The following EDAR variants were observed in gnomAD, a reference collection of about 807,000 sequenced individuals.
The protein encoded by EDAR is ectodysplasin A receptor.
EDAR carries 38 observed loss-of-function variants against 51.3 expected under a neutral mutation model. That is an observed-to-expected ratio of 0.74 (90% CI 0.57 to 0.97). The LOEUF (loss-of-function observed/expected upper bound fraction) is 0.97, where lower values mean the gene tolerates loss of function less well. EDAR is among the 50% of genes least tolerant of loss of function. EDAR has a pLI of 0.00. For synonymous variants in EDAR, 227 were observed against 242.1 expected (o/e 0.94, Z 0.58); for missense variants, 528 against 595.0 (o/e 0.89, Z 1.17).
intron 1 of EDAR, among the ~76,000 whole-genome samples, chr2:108,947,270 G>C (rs541030005): frequency 6.6e-6 from 1 of 152,316 alleles, no homozygotes; most frequent in African/African-American, 2.4e-5. Flanking sequence ...TGCCTCTGTG[G>C]CTCTGCAGGG....
At chr2:108,899,174 GA>G (rs202126103) in intron 11 of EDAR, among the ~76,000 whole-genome samples, 3 of 146,206 alleles carry the variant, frequency 2.1e-5, no homozygotes, top group African/African-American at 8.3e-5. Flanking sequence ...AACAGCCAAA[GA>G]AAAACAACGC....
Position 108,910,764 on chromosome 2 carries a change from T to G in EDAR, c.730+12A>C, listed in dbSNP as rs759899621. The G allele has an allele frequency of 1.2e-6, 2 of 1,612,532 alleles. No homozygotes were observed. Among genetic ancestry groups the G allele is most frequent in the Admixed American group, 1.7e-5 (1 of 60,000 alleles). On this transcript the variant is annotated intron_variant, in intron 8 of 11. Coordinates refer to ENST00000258443, the MANE Select transcript of EDAR (RefSeq NM_022336.4). ...CCGTGCACATGGTGTGTGGAAGCCC[T>G]GGTTCACAGACCTGGGGCCTCTTTC...
chr2:108,912,523 CG>C (rs886700946), intron 6 of EDAR, among the ~76,000 whole-genome samples, 154 bp downstream of exon 6: 1 of 152,160 alleles, frequency 6.6e-6, no homozygotes, highest in African/African-American at 2.4e-5. Flanking sequence ...ACTTCCTGCA[CG>C]GGGGGCAACA....
intron 1 of EDAR, among the ~76,000 whole-genome samples, chr2:108,933,793 C>A (rs1030234033): frequency 2.6e-5 from 4 of 151,862 alleles, no homozygotes; most frequent in Non-Finnish European, 5.9e-5. Flanking sequence ...GAGGCAAGGG[C>A]GACCTGCAGC....
intron 1 of EDAR, among the ~76,000 whole-genome samples, chr2:108,970,881 A>G (rs1376592901): frequency 6.6e-6 from 1 of 152,204 alleles, no homozygotes; most frequent in Non-Finnish European, 1.5e-5. Context: ...ACAGGACTGA[A>G]CAAATACAAG....
intron 11 of EDAR, among the ~76,000 whole-genome samples, chr2:108,897,902 AGACCAACTAGG>A (rs1043155450): frequency 2.0e-5 from 3 of 152,224 alleles, no homozygotes; most frequent in Non-Finnish European, 4.4e-5. Flanking sequence ...AAAAGAAGAC[AGACCAACTAGG>A]GACCTCGATA....
intron 1 of EDAR, among the ~76,000 whole-genome samples, chr2:108,947,479 T>G (rs1697735312): frequency 1.3e-5 from 2 of 152,218 alleles, no homozygotes; most frequent in Admixed American, 1.3e-4. Context: ...AGGTTCTCCA[T>G]GAGGGCTTCA....
intron 1 of EDAR, among the ~76,000 whole-genome samples, chr2:108,969,209 C>T (rs1356126063): frequency 2.6e-5 from 4 of 152,088 alleles, no homozygotes; most frequent in African/African-American, 7.2e-5. Flanking sequence ...GCTTTGACAA[C>T]CTTCTTTTTT....
At position 108,897,236 on chromosome 2, in the gene EDAR, ACACCAATGGC is replaced by A. The variant is rs1696616745; in HGVS notation, c.1025-17_1025-8del. 1 of 1,612,948 alleles carries A rather than the reference ACACCAATGGC, an allele frequency of 6.2e-7. No homozygotes were observed. Among genetic ancestry groups the A allele is most frequent in the Admixed American group, 1.7e-5 (1 of 60,002 alleles). The stretch of plus-strand genomic sequence containing the variant: ...AGCTCCGTGGGGCTAAGACCTACAG[ACACCAATGGC>A]CACAGTTAGATGTTGCAAGTCACAG... On this transcript the variant is annotated splice_region_variant and splice_polypyrimidine_tract_variant and intron_variant, in intron 11 of 11. Coordinates refer to ENST00000258443, the MANE Select transcript of EDAR (RefSeq NM_022336.4).
At chr2:108,973,462 T>A (rs1461471789) in intron 1 of EDAR, among the ~76,000 whole-genome samples, 1 of 152,138 alleles carries the variant, frequency 6.6e-6, no homozygotes, top group Non-Finnish European at 1.5e-5. Context: ...CCTTCATTTC[T>A]CCTGCTTTCC....
chr2:108,940,555 C>A (rs372132144), intron 1 of EDAR, among the ~76,000 whole-genome samples: 1 of 152,234 alleles, frequency 6.6e-6, no homozygotes, highest in Admixed American at 6.5e-5. Context: ...CCAGATCGGG[C>A]GGAGGTGAGA....
intron 1 of EDAR, among the ~76,000 whole-genome samples, chr2:108,949,368 T>C (rs1244493448): frequency 6.6e-6 from 1 of 152,188 alleles, no homozygotes; most frequent in Admixed American, 6.5e-5. Context: ...ACATGCACAA[T>C]ATCTGATAAT....
intron 1 of EDAR, among the ~76,000 whole-genome samples, chr2:108,933,221 C>T (rs974587251): frequency 1.3e-5 from 2 of 152,168 alleles, no homozygotes; most frequent in African/African-American, 4.8e-5. Flanking sequence ...GCTGAACTTC[C>T]AGCAAAGATT....
intron 5 of EDAR, among the ~76,000 whole-genome samples, chr2:108,922,460 A>G (rs1697161627): frequency 6.6e-6 from 1 of 152,216 alleles, no homozygotes; most frequent in African/African-American, 2.4e-5. Flanking sequence ...CCTGCAGCAC[A>G]GCCCACAGCA....
chr2:108,910,251 C>T (rs1346347389), intron 9 of EDAR, among the ~76,000 whole-genome samples: 1 of 152,332 alleles, frequency 6.6e-6, no homozygotes, highest in South Asian at 2.1e-4. Flanking sequence ...GGGCCTGACC[C>T]GAGAGCAGCA....
At chr2:108,982,313 GGT>G in intron 1 of EDAR, among the ~76,000 whole-genome samples, 1 of 152,340 alleles carries the variant, frequency 6.6e-6, no homozygotes, top group Non-Finnish European at 1.5e-5. Context: ...AACCCAGGGA[GGT>G]GGGTGGAAGC....
At chr2:108,918,590 C>T (rs745437424) in intron 5 of EDAR, among the ~76,000 whole-genome samples, 5 of 152,244 alleles carry the variant, frequency 3.3e-5, no homozygotes, top group East Asian at 1.9e-4. Flanking sequence ...TGAAAATGAG[C>T]GGGGACTGGT....
At position 108,899,988 on chromosome 2, in the gene EDAR, AAATAAT is replaced by A. The variant is rs535092335; in HGVS notation, c.1025-2765_1025-2760del. Reference sequence around the variant, plus strand: ...GTGGCAGAGTAAAACTCCATGTCAAAAATAATAATAATAATAACACCAGTAGACTGA... The same window carrying A: ...GTGGCAGAGTAAAACTCCATGTCAAAAATAATAATAACACCAGTAGACTGA... On this transcript the variant is annotated intron_variant, in intron 11 of 11. Transcript: ENST00000258443. Among the ~76,000 whole-genome samples, 454 of 152,190 alleles carry A rather than the reference AAATAAT, an allele frequency of 3.0e-3. 2 individuals carry two copies. Among genetic ancestry groups the A allele is most frequent in the African/African-American group, 0.01 (422 of 41,532 alleles).
intron 5 of EDAR, among the ~76,000 whole-genome samples, chr2:108,921,444 A>T (rs1697139229): frequency 6.6e-6 from 1 of 152,192 alleles, no homozygotes; most frequent in African/African-American, 2.4e-5. Context: ...GGCCCAGGTA[A>T]ATCAAGAAAA....
Sources: allele counts gnomAD v4.1 joint callset (sites outside exome capture counted in the v4.1 genomes callset), GRCh38; gene constraint gnomAD v4.1.1; transcripts MANE v1.5; gene names NCBI Gene and HGNC (gene_info 2026-07-23, HGNC 2026-07-21).